Variants in UNC13A observed in about 807,000 individuals in gnomAD.
UNC13A encodes unc-13 homolog A, also known as protein unc-13 homolog A.
In UNC13A, 61 loss-of-function variants were observed where a neutral mutation model predicts 219.7. That is an observed-to-expected ratio of 0.28 (90% CI 0.23 to 0.34). The LOEUF is 0.34. Among genes scored for constraint, UNC13A ranks in the 10% least tolerant of loss-of-function variants. The pLI is 1.00. For synonymous variants in UNC13A, 920 were observed against 884.6 expected (o/e 1.04, Z -0.71); for missense variants, 1,476 against 2,270.3 (o/e 0.65, Z 7.11).
chr19:17,658,285 G>T lies in UNC13A; in HGVS notation c.560-16C>A. ...GGGTCATCGTCTGGAAGAGAGAGGC[G>T]GTATGGGAAGAGGGTGAGGAAGAGA... On this transcript the variant is annotated splice_polypyrimidine_tract_variant and intron_variant, in intron 8 of 43. Coordinates refer to ENST00000519716, the MANE Select transcript of UNC13A (RefSeq NM_001080421.3). 1.2e-6 allele frequency: 2 copies of T among 1,602,804 alleles called. No individual in the cohort carries two copies. The highest frequency in any genetic ancestry group is 1.7e-6 in the Non-Finnish European group (2 of 1,174,208).
rs753157485 is a variant in UNC13A, at chr19:17,649,543, C to A, written c.1484G>T (p.Arg495Leu). ...LIIIDSMPDI[R>L]KRKPIPLVSD... is the part of the protein sequence containing the mutation. ...CACGAGTGGGATAGGTTTCCTCTTG[C>A]GGATGTCTGGCATGCTGTCGATGAT... Residue 495 changes from arginine (R) to leucine (L), a missense_variant, in exon 13 of 44, where the codon CGC becomes CTC. By Grantham distance (102) the Arg-to-Leu change is moderately radical (BLOSUM62 -2). Transcript: ENST00000519716. The surrounding 1 kb of genome is among the most constrained non-coding windows in gnomAD (Gnocchi z 4.4). 3.1e-6 allele frequency: 5 copies of A among 1,613,742 alleles called. No homozygotes were observed. Among genetic ancestry groups the A allele is most frequent in the Non-Finnish European group, 8.5e-7 (1 of 1,179,884 alleles).
intron 16 of UNC13A, 102 bp downstream of exon 16, chr19:17,648,329 T>G: frequency 8.5e-4 from 104 of 121,828 alleles, no homozygotes; most frequent in Non-Finnish European, 1.3e-3. Context: ...CCCCGCCCCA[T>G]GGTGCCCCAC....
At position 17,657,374 on chromosome 19, in the gene UNC13A, G is replaced by A. The variant is rs1265141939; in HGVS notation, c.767+688C>T. Among the ~76,000 whole-genome samples the A allele has an allele frequency of 2.0e-5, 3 of 152,152 alleles. 1 individual carries two copies. The East Asian group carries it at 5.8e-4, about 29-fold the overall frequency. On this transcript the variant is annotated intron_variant, in intron 9 of 43. Transcript: ENST00000519716. ...TCCTACCCACCCTCTGGTACCCACT[G>A]AAACATCACTTACTTGTGCAAATGC... is the stretch of plus-strand genomic sequence containing the variant.
At position 17,606,339 on chromosome 19, in the gene UNC13A, G is replaced by C; in HGVS notation, c.4827C>G (p.Asp1609Glu). The C allele has an allele frequency of 7.1e-6, 11 of 1,545,976 alleles. No homozygotes were observed. The highest frequency in any genetic ancestry group is 9.6e-6 in the Non-Finnish European group (11 of 1,147,330). Residue 1609 changes from aspartate to glutamate, a missense_variant, in exon 44 of 44, where the codon GAC becomes GAG. Asp to Glu is a conservative substitution (Grantham distance 45, BLOSUM62 2). Coordinates refer to ENST00000519716, the MANE Select transcript of UNC13A (RefSeq NM_001080421.3). ...NESFQFTLSADAGPECYELQV... is the reference protein window; with the variant it reads ...NESFQFTLSAEAGPECYELQV... Reference sequence around the variant, plus strand: ...GCAGCTCATAGCACTCGGGACCCGCGTCGGCGCTCAGCGTGCTGCGTGGGG... The same window carrying C: ...GCAGCTCATAGCACTCGGGACCCGCCTCGGCGCTCAGCGTGCTGCGTGGGG...
rs11550318 is a variant in UNC13A, at chr19:17,605,527, G to A, written c.*527C>T. 25,035 of 153,114 alleles carry A rather than the reference G, an allele frequency of 0.16. 2,642 individuals are homozygous for A. Among genetic ancestry groups the A allele is most frequent in the Non-Finnish European group, 0.24 (16,503 of 68,350 alleles). 9.5% of individuals were successfully genotyped at this position (153,114 alleles called of 1,614,324 possible). On this transcript the variant is annotated 3_prime_UTR_variant, in exon 44 of 44. Coordinates refer to ENST00000519716, the MANE Select transcript of UNC13A (RefSeq NM_001080421.3). Reference sequence around the variant, plus strand: ...TCTAAAGGGACTCCGGTATTCCGGGGCCCTCCAACCAGCATCCTGGTCCCT... The same window carrying A: ...TCTAAAGGGACTCCGGTATTCCGGGACCCTCCAACCAGCATCCTGGTCCCT...
rs1298875606 is a variant in UNC13A, at chr19:17,604,534, A to G, written c.*1520T>C. 1 of 152,116 alleles carries G rather than the reference A, an allele frequency of 6.6e-6. No individual in the cohort carries two copies. The highest frequency in any genetic ancestry group is 1.5e-5 in the Non-Finnish European group (1 of 68,082). 9.4% of individuals were successfully genotyped at this position (152,116 alleles called of 1,614,324 possible). A position where few individuals can be genotyped will look rare whatever the true frequency, so the allele number is the denominator to read the frequency against. The stretch of plus-strand genomic sequence containing the variant: ...GGAAAGCCTCCCCATCTGATGTTCT[A>G]TCCTCCAGAAACCCAGCTACTCAGC... On this transcript the variant is annotated 3_prime_UTR_variant, in exon 44 of 44. Transcript: ENST00000519716.
chr19:17,669,373 A>G (rs1211565984), intron 5 of UNC13A, among the ~76,000 whole-genome samples, 180 bp downstream of exon 5: 1 of 152,138 alleles, frequency 6.6e-6, no homozygotes, highest in Non-Finnish European at 1.5e-5. Flanking sequence ...CGCACCCAGC[A>G]GGTTCACATC....
In UNC13A at chr19:17,636,144, TC is replaced by T. The variant is rs746627194; in HGVS notation, c.3094del (p.Glu1032LysfsTer20). ...EYQTDPAKKGEVLPEEQGPSI... is the reference protein window; with the variant it reads ...EYQTDPAKKGXVLPEEQGPSI... ...GGGCCCCTGTTCCTCTGGGAGAACTTCCCCCTTCTTGGCCTGAAATGGACAG... is the reference window on the plus strand; with the variant it reads ...GGGCCCCTGTTCCTCTGGGAGAACTTCCCCTTCTTGGCCTGAAATGGACAG... On this transcript the variant is annotated frameshift_variant, in exon 26 of 44. Transcript: ENST00000519716. LOFTEE classifies it high-confidence loss of function. 2 of 1,598,250 alleles carry T rather than the reference TC, an allele frequency of 1.3e-6. No homozygotes were observed. The highest frequency in any genetic ancestry group is 1.7e-5 in the Admixed American group (1 of 57,264).
chr19:17,647,479 CT>C lies in UNC13A; in HGVS notation c.1829del (p.Lys610ArgfsTer22). On this transcript the variant is annotated frameshift_variant, in exon 17 of 44. Coordinates refer to ENST00000519716, the MANE Select transcript of UNC13A (RefSeq NM_001080421.3). LOFTEE classifies it high-confidence loss of function. ...GGTCCTCCGCCCCGTGCTTGGAGCT[CT>C]TCTCCGCAGCCCCTGAGGACGCCCG... ...NADCLQRAAEKSSKHGAEDRT... is the reference protein window; with the variant it reads ...NADCLQRAAEXSSKHGAEDRT... 2 of 1,612,748 alleles carry C rather than the reference CT, an allele frequency of 1.2e-6. No homozygotes were observed. Among genetic ancestry groups the C allele is most frequent in the Non-Finnish European group, 1.7e-6 (2 of 1,179,712 alleles).
rs150006719 is a variant in UNC13A at position 17,656,305 on chromosome 19, C to A, written c.861G>T (p.Leu287=). The A allele has an allele frequency of 4.8e-4, 744 of 1,554,350 alleles. No individual in the cohort carries two copies. The highest frequency in any genetic ancestry group is 2.5e-3 in the Middle Eastern group (15 of 5,992). The change falls in exon 10 of 44, where the codon CTG becomes CTT. Residue 287 remains leucine, a synonymous_variant. Coordinates refer to ENST00000519716, the MANE Select transcript of UNC13A (RefSeq NM_001080421.3). ...SEDFDPDEHS[L]QGSDMEDERD... Reference sequence around the variant, plus strand: ...GCTCATCCTCCATGTCGGAGCCCTGCAGGCTGTGCTCGTCAGGGTCGAAGT... The same window carrying A: ...GCTCATCCTCCATGTCGGAGCCCTGAAGGCTGTGCTCGTCAGGGTCGAAGT...
In UNC13A at chr19:17,672,371, C is replaced by G. The variant is rs761512928; in HGVS notation, c.270+7G>C. ...CCTTCTTCACCCTCAGGCCACCCGC[C>G]ACTCACCTCATTGGACTGGCGGATG... On this transcript the variant is annotated splice_region_variant and intron_variant, in intron 4 of 43. Coordinates refer to ENST00000519716, the MANE Select transcript of UNC13A (RefSeq NM_001080421.3). 1 of 1,613,140 alleles carries G rather than the reference C, an allele frequency of 6.2e-7. No homozygotes were observed.
intron 9 of UNC13A, among the ~76,000 whole-genome samples, chr19:17,657,437 G>C (rs534212612): frequency 4.6e-5 from 7 of 152,258 alleles, no homozygotes; most frequent in Non-Finnish European, 8.8e-5. Context: ...TCTGTTATGT[G>C]CTGCTTATGT....
At chr19:17,657,402 C>T (rs1346323610) in intron 9 of UNC13A, among the ~76,000 whole-genome samples, 3 of 152,160 alleles carry the variant, frequency 2.0e-5, no homozygotes, top group African/African-American at 7.2e-5. Flanking sequence ...GCAAATGCCC[C>T]CCACTGTCTG....
chr19:17,643,934 T>C (rs1443548242), intron 19 of UNC13A, among the ~76,000 whole-genome samples: 3 of 152,092 alleles, frequency 2.0e-5, no homozygotes, highest in Non-Finnish European at 4.4e-5. Context: ...CCCCTGGTCT[T>C]GTCTCCCACC....
intron 1 of UNC13A, among the ~76,000 whole-genome samples, chr19:17,677,090 C>T (rs1028818927): frequency 6.6e-6 from 1 of 152,100 alleles, no homozygotes. Context: ...TCCAGCCCCA[C>T]CTGCTTGTGG....
In UNC13A at chr19:17,630,193, C is replaced by CT; in HGVS notation, c.3620dup (p.Cys1208ValfsTer20). 6.4e-7 allele frequency: 1 copy of CT among 1,552,344 alleles called. No individual in the cohort carries two copies. Among genetic ancestry groups the CT allele is most frequent in the Non-Finnish European group, 8.7e-7 (1 of 1,147,228 alleles). On this transcript the variant is annotated frameshift_variant, in exon 30 of 44. Coordinates refer to ENST00000519716, the MANE Select transcript of UNC13A (RefSeq NM_001080421.3). LOFTEE classifies it high-confidence loss of function. ...GCCCCACGATCTGAGGGTCGGGACA[C>CT]TCGAGTTTCTTGATGATTTCAAAGC...
At chr19:17,676,588 C>T (rs1454195857) in intron 1 of UNC13A, among the ~76,000 whole-genome samples, 1 of 152,146 alleles carries the variant, frequency 6.6e-6, no homozygotes, top group Non-Finnish European at 1.5e-5. Context: ...CCACCAGCCC[C>T]GACAGGTCAG....
chr19:17,625,015 C>T, intron 34 of UNC13A, 63 bp from the exon 35 acceptor site: 11 of 1,577,028 alleles, frequency 7.0e-6, no homozygotes, highest in Non-Finnish European at 9.5e-6. Context: ...ATCACCTTCC[C>T]TTAACAGGTG....
chr19:17,668,074 C>T (rs918424430), intron 6 of UNC13A, 43 bp downstream of exon 6: 1 of 1,591,834 alleles, frequency 6.3e-7, no homozygotes, highest in Admixed American at 1.7e-5. Context: ...GAGACAGAGA[C>T]AGAAACAAGG....
Sources: gnomAD v4.1 joint callset for allele counts (sites outside exome capture counted in the v4.1 genomes callset) on GRCh38, gnomAD v4.1.1 for gene constraint, Gnocchi (gnomAD v3.1) non-coding constraint, MANE v1.5 for transcripts, NCBI Gene and HGNC (gene_info 2026-07-23, HGNC 2026-07-21) for gene names.